Variants in GNAQ observed in about 807,000 individuals in gnomAD.
GNAQ encodes the protein G protein subunit alpha q.
A neutral mutation model predicts 43.9 loss-of-function variants in GNAQ; 8 were observed. The ratio of observed to expected loss-of-function variants is 0.18; its 90% CI spans 0.11 to 0.33. GNAQ has a LOEUF of 0.33. GNAQ is among the 10% of genes least tolerant of loss of function. GNAQ has a pLI of 1.00. For synonymous variants in GNAQ, 155 were observed against 170.7 expected (o/e 0.91, Z 0.71); for missense variants, 158 against 450.8 (o/e 0.35, Z 5.88).
intron 3 of GNAQ, among the ~76,000 whole-genome samples, chr9:77,804,388 G>A (rs991893693): frequency 1.3e-5 from 2 of 152,178 alleles, no homozygotes; most frequent in East Asian, 3.8e-4. Context: ...TTATAAGCCA[G>A]GTGTGGCGGC....
chr9:77,808,427 A>C (rs938206877), intron 3 of GNAQ, among the ~76,000 whole-genome samples: 3 of 150,860 alleles, frequency 2.0e-5, no homozygotes, highest in Middle Eastern at 6.8e-3. Flanking sequence ...AAGAGAATTA[A>C]ATATGTCACT....
At chr9:77,941,405 A>G (rs968861424) in intron 1 of GNAQ, among the ~76,000 whole-genome samples, 4 of 152,086 alleles carry the variant, frequency 2.6e-5, no homozygotes, top group Non-Finnish European at 5.9e-5. Context: ...ACCCACCACC[A>G]CACCTGGCTA....
chr9:77,843,040 T>C (rs1827517551), intron 2 of GNAQ, among the ~76,000 whole-genome samples: 1 of 152,198 alleles, frequency 6.6e-6, no homozygotes, highest in Admixed American at 6.5e-5. Flanking sequence ...GACTAAGGTA[T>C]GCGTAATCTG....
Position 77,869,260 on chromosome 9 carries a change from T to C in GNAQ, c.321+52901A>G, listed in dbSNP as rs79324996. Among the ~76,000 whole-genome samples, 654 of 152,292 alleles carry C rather than the reference T, an allele frequency of 4.3e-3. 4 individuals carry two copies. The highest frequency in any genetic ancestry group is 0.015 in the African/African-American group (619 of 41,582). On this transcript the variant is annotated intron_variant, in intron 2 of 6. Transcript: ENST00000286548. Reference sequence around the variant, plus strand: ...AATTAGTAGGACAAAACTGATTAAATGAAATAAAAAGATTATGTTTTCTCT... The same window carrying C: ...AATTAGTAGGACAAAACTGATTAAACGAAATAAAAAGATTATGTTTTCTCT...
intron 5 of GNAQ, among the ~76,000 whole-genome samples, chr9:77,792,912 A>C (rs1325120678): frequency 6.6e-6 from 1 of 152,100 alleles, no homozygotes; most frequent in East Asian, 1.9e-4. Context: ...GACCAAAAGC[A>C]TATCTTGTTT....
At chr9:77,935,200 A>G (rs1829212908) in intron 1 of GNAQ, among the ~76,000 whole-genome samples, 1 of 152,206 alleles carries the variant, frequency 6.6e-6, no homozygotes, top group East Asian at 1.9e-4. Flanking sequence ...ATTAGAACAC[A>G]CATGTACAAG....
chr9:77,743,374 A>C (rs1200842652), intron 5 of GNAQ, among the ~76,000 whole-genome samples: 1 of 152,212 alleles, frequency 6.6e-6, no homozygotes, highest in Non-Finnish European at 1.5e-5. Context: ...CTCTGGGGTG[A>C]AGTAACTCTT....
At chr9:77,803,989 T>C (rs1017847095) in intron 3 of GNAQ, among the ~76,000 whole-genome samples, 4 of 152,204 alleles carry the variant, frequency 2.6e-5, no homozygotes, top group Admixed American at 6.5e-5. Context: ...TTAAAATATA[T>C]GACAGAAGCT....
intron 1 of GNAQ, among the ~76,000 whole-genome samples, chr9:77,943,542 A>G (rs903990044): frequency 1.3e-5 from 2 of 152,114 alleles, no homozygotes; most frequent in Non-Finnish European, 2.9e-5. Context: ...CTCTTTCTAT[A>G]ATGATATAAA....
chr9:77,800,452 T>C (rs1826724332), intron 3 of GNAQ, among the ~76,000 whole-genome samples: 1 of 151,912 alleles, frequency 6.6e-6, no homozygotes, highest in South Asian at 2.1e-4. Context: ...AAATCATCAT[T>C]CTCAGTAAAC....
Position 77,905,286 on chromosome 9 carries a change from A to T in GNAQ, c.321+16875T>A, listed in dbSNP as rs527475714. ...TAACAATTCCTGTTTTTACAACTAC[A>T]AAACCACGCCTATGAGTATTACTAT... is the stretch of plus-strand genomic sequence containing the variant. On this transcript the variant is annotated intron_variant, in intron 2 of 6. Transcript: ENST00000286548. Among the ~76,000 whole-genome samples the T allele has an allele frequency of 3.9e-5, 6 of 152,328 alleles. No homozygotes were observed. In the South Asian group the frequency reaches 8.3e-4, roughly 21 times the overall value.
At chr9:77,813,803 G>C (rs1826966832) in intron 3 of GNAQ, among the ~76,000 whole-genome samples, 1 of 152,210 alleles carries the variant, frequency 6.6e-6, no homozygotes, top group Admixed American at 6.5e-5. Context: ...AGACCAGGTA[G>C]GGAGGGGAGG....
intron 5 of GNAQ, among the ~76,000 whole-genome samples, chr9:77,755,548 CCTT>C (rs1443567688): frequency 2.6e-5 from 4 of 152,078 alleles, no homozygotes; most frequent in Admixed American, 1.3e-4. Context: ...AATATTTCCT[CCTT>C]ATTTTGGTAA....
intron 1 of GNAQ, among the ~76,000 whole-genome samples, chr9:77,922,581 C>T (rs893694633): frequency 1.3e-5 from 2 of 152,174 alleles, no homozygotes; most frequent in African/African-American, 4.8e-5. Context: ...CCGTCACCTC[C>T]TTGGAAACCA....
chr9:77,866,177 T>A (rs1226666775), intron 2 of GNAQ, among the ~76,000 whole-genome samples: 3 of 151,886 alleles, frequency 2.0e-5, no homozygotes, highest in Admixed American at 2.0e-4. Context: ...GGCAGTGATT[T>A]AAAAAAAACA....
At chr9:77,982,808 A>AG (rs1823384790) in intron 1 of GNAQ, among the ~76,000 whole-genome samples, 1 of 151,114 alleles carries the variant, frequency 6.6e-6, no homozygotes, top group Non-Finnish European at 1.5e-5. Flanking sequence ...GAGTGGGGAG[A>AG]GGGGGGAGGG....
intron 5 of GNAQ, among the ~76,000 whole-genome samples, chr9:77,784,329 TA>T (rs1425175145): frequency 2.6e-5 from 4 of 152,184 alleles, no homozygotes; most frequent in Non-Finnish European, 5.9e-5. Context: ...TACCTTAAAA[TA>T]AAAGTTTAAT....
intron 2 of GNAQ, among the ~76,000 whole-genome samples, chr9:77,887,268 T>C (rs573102809): frequency 6.6e-6 from 1 of 152,354 alleles, no homozygotes; most frequent in South Asian, 2.1e-4. Context: ...TCCTGAATAA[T>C]GGCAGATACA....
chr9:78,008,860 G>A (rs1300219540), intron 1 of GNAQ, among the ~76,000 whole-genome samples: 2 of 152,078 alleles, frequency 1.3e-5, no homozygotes, highest in Admixed American at 6.5e-5. Flanking sequence ...CTCGTGATCC[G>A]CCCACCTCGG....
Sources: gnomAD v4.1 joint callset for allele counts (sites outside exome capture counted in the v4.1 genomes callset) on GRCh38, gnomAD v4.1.1 for gene constraint, MANE v1.5 for transcripts, NCBI Gene and HGNC (gene_info 2026-07-23, HGNC 2026-07-21) for gene names.